ZDHHC11B: variants seen among roughly 807,000 people sequenced by gnomAD.
ZDHHC11B encodes the protein probable palmitoyltransferase ZDHHC11B.
ZDHHC11B carries 17 observed loss-of-function variants against 42.3 expected under a neutral mutation model. That is an observed-to-expected ratio of 0.40 (90% CI 0.27 to 0.60). The LOEUF is 0.60. Ranked by LOEUF, ZDHHC11B falls within the 20% of genes least tolerant of loss-of-function variation. ZDHHC11B has a pLI of 0.41. For missense variants in ZDHHC11B, 262 were observed against 463.2 expected (o/e 0.57, Z 3.99); for synonymous variants, 123 against 193.5 (o/e 0.64, Z 3.02).
Position 748,007 on chromosome 5 carries a change from G to C in ZDHHC11B, c.784+397C>G, listed in dbSNP as rs1241448494. The C allele has an allele frequency of 1.7e-5, 7 of 416,288 alleles. 1 individual carries two copies. The highest frequency in any genetic ancestry group is 2.9e-5 in the Non-Finnish European group (7 of 241,568). The allele number at this position is 416,288 out of a possible 1,614,324, so 25.8% of individuals were successfully genotyped here. ...TGATCTGCCTGTAATATTTTTCATT[G>C]TTAGAATTTCTACTTGTGCTTTTGG... is the stretch of plus-strand genomic sequence containing the variant. On this transcript the variant is annotated intron_variant, in intron 8 of 13. Transcript: ENST00000508859.
In ZDHHC11B at chr5:741,434, T is replaced by G. The variant is rs1224651909; in HGVS notation, c.935+160A>C. 1.4e-5 allele frequency among the ~76,000 whole-genome samples: 2 copies of G among 145,704 alleles called. 1 individual carries two copies. The highest frequency in any genetic ancestry group is 3.0e-5 in the Non-Finnish European group (2 of 66,498). ...TCGAGATAGATAATTTGGTATAATT[T>G]AACAACATTAAACAAAACTATTTTA... On this transcript the variant is annotated intron_variant, in intron 10 of 13. Transcript: ENST00000508859.
chr5:714,930 CTTG>C (rs370222344), intron 13 of ZDHHC11B, among the ~76,000 whole-genome samples: 6,474 of 149,552 alleles, frequency 0.043, 92 homozygotes, highest in African/African-American at 0.15. Context: ...CCCATGAGAC[CTTG>C]TTGTTGAAAA....
intron 12 of ZDHHC11B, among the ~76,000 whole-genome samples, chr5:720,075 G>A (rs1459366832): frequency 6.6e-6 from 1 of 151,772 alleles, no homozygotes; most frequent in African/African-American, 2.4e-5. Flanking sequence ...ATTCCCCACA[G>A]ATAATGGGGG....
chr5:747,959 G>A (rs1167920510), intron 8 of ZDHHC11B: 7 of 353,332 alleles, frequency 2.0e-5, no homozygotes, highest in African/African-American at 6.1e-5. Flanking sequence ...ACCAGCTCTC[G>A]CTTCAGTTGT....
In ZDHHC11B at chr5:758,441, G is replaced by A. The variant is rs542278632; in HGVS notation, c.223-2297C>T. Among the ~76,000 whole-genome samples, 7 of 152,006 alleles carry A rather than the reference G, an allele frequency of 4.6e-5. No individual in the cohort carries two copies. The East Asian group carries it at 9.7e-4, about 21-fold the overall frequency. ...CAAAGAAGCCCGCTGCCAGGGAGAC[G>A]GTGCTGCTGCTGGGGGCCACCAGGA... On this transcript the variant is annotated intron_variant, in intron 4 of 13. Coordinates refer to ENST00000508859, the MANE Select transcript of ZDHHC11B (RefSeq NM_001351303.2).
Position 716,876 on chromosome 5 carries a change from T to A in ZDHHC11B, c.1059-11A>T, listed in dbSNP as rs778526476. 6.0e-5 allele frequency: 96 copies of A among 1,612,814 alleles called. 2 individuals carry two copies. Among genetic ancestry groups the A allele is most frequent in the Non-Finnish European group, 7.5e-5 (89 of 1,179,428 alleles). ...GTTTCTTGTTGCAGCCTGTTTGCAA[T>A]ATTCAGAAAGAGAGACAACAGAGAA... On this transcript the variant is annotated splice_polypyrimidine_tract_variant and intron_variant, in intron 12 of 13. Coordinates refer to ENST00000508859, the MANE Select transcript of ZDHHC11B (RefSeq NM_001351303.2).
chr5:758,681 C>G lies in ZDHHC11B; in HGVS notation c.223-2537G>C, dbSNP rs116253224. Among the ~76,000 whole-genome samples, 667 of 151,794 alleles carry G rather than the reference C, an allele frequency of 4.4e-3. 15 individuals carry two copies. Among genetic ancestry groups the G allele is most frequent in the Non-Finnish European group, 7.9e-3 (539 of 67,818 alleles). ...GGGTTCAGCTGGCAAGGGACTCCCC[C>G]CCACCAAGATTCCAGGGCAGTGTCT... On this transcript the variant is annotated intron_variant, in intron 4 of 13. Transcript: ENST00000508859.
rs878996769 is a variant in ZDHHC11B, at chr5:711,866, G to C, written c.*424C>G. 8.0e-6 allele frequency: 1 copy of C among 125,130 alleles called. No homozygotes were observed. Among genetic ancestry groups the C allele is most frequent in the Non-Finnish European group, 1.8e-5 (1 of 55,902 alleles). 7.8% of individuals were successfully genotyped at this position (125,130 alleles called of 1,614,324 possible). ...CTCAGTACTGTGCTCCCATTTCCCA[G>C]TACTATGCTCCCATTTCCCAGTACT... On this transcript the variant is annotated 3_prime_UTR_variant, in exon 14 of 14. Transcript: ENST00000508859.
At chr5:745,828 C>T (rs1450653176) in intron 8 of ZDHHC11B, among the ~76,000 whole-genome samples, 5 of 149,720 alleles carry the variant, frequency 3.3e-5, no homozygotes, top group African/African-American at 4.9e-5. Flanking sequence ...GCGACCACCC[C>T]GAGGTGCTGG....
chr5:777,865 G>A (rs891789316), intron 1 of ZDHHC11B, among the ~76,000 whole-genome samples: 3 of 151,816 alleles, frequency 2.0e-5, no homozygotes, highest in Non-Finnish European at 2.9e-5. Context: ...GACCCGGCGG[G>A]GGCGGCGCCC....
At chr5:743,930 C>G (rs1744449468) in intron 9 of ZDHHC11B, among the ~76,000 whole-genome samples, 1 of 149,836 alleles carries the variant, frequency 6.7e-6, no homozygotes, top group South Asian at 2.2e-4. Context: ...TCACCTGTGC[C>G]GAACCTCCAA....
At chr5:726,633 G>A (rs1378264837) in intron 12 of ZDHHC11B, among the ~76,000 whole-genome samples, 29 of 117,522 alleles carry the variant, frequency 2.5e-4, no homozygotes, top group Non-Finnish European at 1.2e-4. Flanking sequence ...TGTATTAAAT[G>A]ATAATTTCAT....
At chr5:761,162 CA>C (rs1734561020) in intron 4 of ZDHHC11B, among the ~76,000 whole-genome samples, 1 of 151,896 alleles carries the variant, frequency 6.6e-6, no homozygotes, top group African/African-American at 2.4e-5. Context: ...CTGCCTTGAC[CA>C]CGGTCCGATC....
At chr5:756,831 C>T (rs1406927167) in intron 4 of ZDHHC11B, among the ~76,000 whole-genome samples, 2 of 151,662 alleles carry the variant, frequency 1.3e-5, no homozygotes, top group African/African-American at 2.4e-5. Context: ...GACGGACCCT[C>T]TCCCCGAGAC....
At chr5:778,015 G>GT (rs1736684783) in intron 1 of ZDHHC11B, among the ~76,000 whole-genome samples, 1 of 151,944 alleles carries the variant, frequency 6.6e-6, no homozygotes, top group Non-Finnish European at 1.5e-5. Context: ...GGCGCAGGCG[G>GT]GCTGGCAGTG....
intron 1 of ZDHHC11B, among the ~76,000 whole-genome samples, chr5:777,942 G>A (rs1421758491): frequency 4.0e-5 from 6 of 151,812 alleles, no homozygotes; most frequent in African/African-American, 1.2e-4. Flanking sequence ...CGGCATGGCG[G>A]TCGGCGGGTC....
chr5:752,619 C>G (rs57941951), intron 6 of ZDHHC11B, among the ~76,000 whole-genome samples: 24,266 of 75,344 alleles, frequency 0.32, 4,199 homozygotes, highest in East Asian at 0.45. Flanking sequence ...CGTCCGAAGA[C>G]GCAGTTAGGG....
chr5:759,335 A>G (rs552761055), intron 4 of ZDHHC11B, among the ~76,000 whole-genome samples: 1 of 151,898 alleles, frequency 6.6e-6, no homozygotes, highest in Non-Finnish European at 1.5e-5. Flanking sequence ...GTGGAGAGCG[A>G]GCCCACAGCC....
intron 1 of ZDHHC11B, among the ~76,000 whole-genome samples, chr5:770,299 C>T (rs1367083271): frequency 1.3e-5 from 2 of 149,988 alleles, no homozygotes; most frequent in Admixed American, 6.7e-5. Flanking sequence ...CCCGCAGGCA[C>T]GCATGTCCAG....
Sources: allele counts gnomAD v4.1 joint callset (sites outside exome capture counted in the v4.1 genomes callset), GRCh38; gene constraint gnomAD v4.1.1; transcripts MANE v1.5; gene names NCBI Gene and HGNC (gene_info 2026-07-23, HGNC 2026-07-21).